The following STAB2 variants were observed in gnomAD, a reference collection of about 807,000 sequenced individuals.
STAB2 encodes the protein stabilin-2.
In STAB2, 288 loss-of-function variants were observed where a neutral mutation model predicts 338.1. The observed-to-expected ratio is 0.85, with a 90% confidence interval of 0.77 to 0.94. The LOEUF (loss-of-function observed/expected upper bound fraction) is 0.94, where lower values mean the gene tolerates loss of function less well. Among genes scored for constraint, STAB2 ranks in the 40% least tolerant of loss-of-function variants. STAB2 has a pLI of 0.00. For missense variants in STAB2, 3,141 were observed against 3,210.1 expected, an observed-to-expected ratio of 0.98 and a Z score of 0.52; for synonymous variants, 1,202 against 1,193.3, an observed-to-expected ratio of 1.01 and a Z score of -0.15.
chr12:103,660,574 C>A, intron 16 of STAB2, 109 bp from the exon 17 acceptor site: 1 of 1,365,036 alleles, frequency 7.3e-7, no homozygotes, highest in South Asian at 1.2e-5. Flanking sequence ...TCAAAACTCC[C>A]TTTACTTATT....
chr12:103,753,398 G>A, intron 61 of STAB2, 45 bp downstream of exon 61: 2 of 1,613,096 alleles, frequency 1.2e-6, no homozygotes, highest in Non-Finnish European at 1.7e-6. Flanking sequence ...AGTCTGCAGG[G>A]GCGGAAGTGC....
At position 103,695,799 on chromosome 12, in the gene STAB2, CAAT is replaced by C. The variant is rs1269622474; in HGVS notation, c.3538_3540del (p.Asn1180del). On this transcript the variant is annotated inframe_deletion, in exon 33 of 69. Coordinates refer to ENST00000388887, the MANE Select transcript of STAB2 (RefSeq NM_017564.10). ...CCTACACAGTGTTTGCTCCAAACAA[CAAT>C]GCCATCGAGAATTACATCAGGGAGA... 3 of 1,614,158 alleles carry C rather than the reference CAAT, an allele frequency of 1.9e-6. No individual in the cohort carries two copies. The highest frequency in any genetic ancestry group is 1.7e-6 in the Non-Finnish European group (2 of 1,180,018).
At chr12:103,685,459 T>TGTGTGC (rs746468070) in intron 27 of STAB2, among the ~76,000 whole-genome samples, 209 of 135,646 alleles carry the variant, frequency 1.5e-3, no homozygotes, top group Middle Eastern at 0.011. Flanking sequence ...TGTGTGCGCG[T>TGTGTGC]GCGTGTGTGT....
chr12:103,755,497 G>A (rs1047906470), intron 62 of STAB2, 30 bp downstream of exon 62: 1 of 1,611,332 alleles, frequency 6.2e-7, no homozygotes, highest in African/African-American at 1.3e-5. Flanking sequence ...TTCAGGTTCT[G>A]GGCCACACAG....
chr12:103,756,683 G>A (rs766893448), intron 63 of STAB2, among the ~76,000 whole-genome samples: 11 of 152,086 alleles, frequency 7.2e-5, no homozygotes, highest in African/African-American at 1.2e-4. Context: ...CCACTGTTCC[G>A]AGTAGAATCT....
chr12:103,633,634 A>T (rs1331698280), intron 6 of STAB2, among the ~76,000 whole-genome samples: 1 of 151,950 alleles, frequency 6.6e-6, no homozygotes, highest in African/African-American at 2.4e-5. Context: ...GTGAGCCGAG[A>T]TCACACCATT....
chr12:103,742,469 C>T lies in STAB2; in HGVS notation c.5946C>T (p.Ala1982=). Residue 1982 remains alanine, a synonymous_variant, in exon 56 of 69, where the codon GCC becomes GCT. Coordinates refer to ENST00000388887, the MANE Select transcript of STAB2 (RefSeq NM_017564.10). ...GTGTCTGCCTTGATCAGTACTCGGCCACCGGAGAGTGTAAATGCAACACCG... is the reference window on the plus strand; with the variant it reads ...GTGTCTGCCTTGATCAGTACTCGGCTACCGGAGAGTGTAAATGCAACACCG... ...NRGVCLDQYS[A]TGECKCNTGF... 6.2e-7 allele frequency: 1 copy of T among 1,614,126 alleles called. No homozygotes were observed. Among genetic ancestry groups the T allele is most frequent in the Non-Finnish European group, 8.5e-7 (1 of 1,180,036 alleles).
intron 68 of STAB2, 195 bp downstream of exon 68, chr12:103,763,803 G>A (rs1566088045): frequency 5.8e-6 from 3 of 513,886 alleles, no homozygotes; most frequent in Non-Finnish European, 6.9e-6. Flanking sequence ...GGTTCTCTTG[G>A]GTAGACAGCA....
At chr12:103,623,693 G>A (rs1305109216) in intron 5 of STAB2, among the ~76,000 whole-genome samples, 1 of 152,190 alleles carries the variant, frequency 6.6e-6, no homozygotes, top group Non-Finnish European at 1.5e-5. Context: ...CTGAACTTCA[G>A]AAATGTAAGA....
chr12:103,696,656 G>T (rs992667481), intron 33 of STAB2, among the ~76,000 whole-genome samples: 1 of 152,126 alleles, frequency 6.6e-6, no homozygotes, highest in Non-Finnish European at 1.5e-5. Context: ...TTAGGAATCA[G>T]GGAAAATAGA....
chr12:103,610,946 C>T (rs2138597290), intron 3 of STAB2, among the ~76,000 whole-genome samples: 1 of 152,266 alleles, frequency 6.6e-6, no homozygotes, highest in South Asian at 2.1e-4. Flanking sequence ...TCATTATGTA[C>T]CCAGTAGTCA....
chr12:103,596,731 C>T (rs765259768), intron 3 of STAB2, among the ~76,000 whole-genome samples: 6 of 152,072 alleles, frequency 3.9e-5, no homozygotes, highest in Admixed American at 3.9e-4. Context: ...GATCTTTTAG[C>T]AGGTTTATGC....
chr12:103,657,835 A>C (rs1334689920), intron 15 of STAB2: 1 of 152,224 alleles, frequency 6.6e-6, no homozygotes, highest in East Asian at 1.9e-4. Flanking sequence ...TTCTGTCTCC[A>C]TCCATCTTAA....
intron 6 of STAB2, among the ~76,000 whole-genome samples, chr12:103,635,610 T>G (rs768848596): frequency 1.3e-5 from 2 of 152,150 alleles, no homozygotes; most frequent in African/African-American, 2.4e-5. Flanking sequence ...GGTACTCCTC[T>G]CCTCAGCCCC....
At position 103,759,156 on chromosome 12, in the gene STAB2, G is replaced by GC; in HGVS notation, c.7132dup (p.His2378ProfsTer13). On this transcript the variant is annotated frameshift_variant, in exon 65 of 69. Coordinates refer to ENST00000388887, the MANE Select transcript of STAB2 (RefSeq NM_017564.10). LOFTEE classifies it high-confidence loss of function. ...AGACCTTGTCTGGGCGGGACATCGA[G>GC]CACCACCTCGCCAATGTCAGCATGT... 7 of 1,614,142 alleles carry GC rather than the reference G, an allele frequency of 4.3e-6. No homozygotes were observed. The highest frequency in any genetic ancestry group is 5.9e-6 in the Non-Finnish European group (7 of 1,180,026).
At chr12:103,612,781 G>T (rs1375028329) in intron 3 of STAB2, among the ~76,000 whole-genome samples, 1 of 152,052 alleles carries the variant, frequency 6.6e-6, no homozygotes, top group Admixed American at 6.6e-5. Flanking sequence ...AGAATTTTCA[G>T]TTTTTCTGCT....
chr12:103,736,910 C>T (rs912986263), intron 52 of STAB2, among the ~76,000 whole-genome samples: 1 of 152,166 alleles, frequency 6.6e-6, no homozygotes, highest in African/African-American at 2.4e-5. Context: ...CATCAACTTA[C>T]TAGCTGGGTG....
intron 22 of STAB2, 136 bp from the exon 23 acceptor site, chr12:103,673,771 G>A (rs1240477394): frequency 8.6e-6 from 8 of 934,702 alleles, no homozygotes; most frequent in East Asian, 8.0e-5. Flanking sequence ...GTCTTCTCCC[G>A]GCTCAGCCCC....
At chr12:103,662,030 G>A (rs1874667972) in intron 17 of STAB2, among the ~76,000 whole-genome samples, 1 of 152,170 alleles carries the variant, frequency 6.6e-6, no homozygotes, top group Non-Finnish European at 1.5e-5. Context: ...AGAGGCTGGT[G>A]AGGAGATTTG....
Sources: allele counts gnomAD v4.1 joint callset (sites outside exome capture counted in the v4.1 genomes callset), GRCh38; gene constraint gnomAD v4.1.1; transcripts MANE v1.5; gene names NCBI Gene and HGNC (gene_info 2026-07-23, HGNC 2026-07-21).